The following ARL15 variants were observed in gnomAD, a reference collection of about 807,000 sequenced individuals.
The protein encoded by ARL15 is ARF like GTPase 15.
Under a neutral mutation model 25.2 loss-of-function variants are expected in ARL15, and 19 were observed. That is an observed-to-expected ratio of 0.75 (90% CI 0.53 to 1.10). The LOEUF (loss-of-function observed/expected upper bound fraction) is 1.10, where lower values mean the gene tolerates loss of function less well. Ranked by LOEUF, ARL15 falls within the 50% of genes least tolerant of loss-of-function variation. The pLI is 0.00. For missense variants in ARL15, 220 were observed against 246.0 expected, an observed-to-expected ratio of 0.89 and a Z score of 0.71; for synonymous variants, 94 against 86.8, an observed-to-expected ratio of 1.08 and a Z score of -0.46.
At chr5:53,979,611 T>C (rs28602514) in intron 4 of ARL15, among the ~76,000 whole-genome samples, 23,419 of 152,046 alleles carry the variant, frequency 0.15, 2,052 homozygotes, top group African/African-American at 0.22. Context: ...TTAATCCCTA[T>C]TTTTAGCAGA....
intron 1 of ARL15, among the ~76,000 whole-genome samples, chr5:54,186,991 C>G (rs1304697130): frequency 6.6e-6 from 1 of 151,174 alleles, no homozygotes; most frequent in Admixed American, 6.6e-5. Flanking sequence ...TCCTCATTTT[C>G]CTTTTGTACA....
chr5:53,925,378 G>A, intron 4 of ARL15, among the ~76,000 whole-genome samples: 1 of 151,944 alleles, frequency 6.6e-6, no homozygotes, highest in Non-Finnish European at 1.5e-5. Flanking sequence ...TTTACTATTT[G>A]TAGAGACAGG....
intron 1 of ARL15, among the ~76,000 whole-genome samples, chr5:54,182,098 T>G (rs1288465045): frequency 4.7e-5 from 3 of 63,764 alleles, no homozygotes; most frequent in African/African-American, 2.1e-4. Context: ...TGTTGTAGGT[T>G]GCCTGTTCAC....
At chr5:54,093,516 T>C (rs1752192716) in intron 4 of ARL15, among the ~76,000 whole-genome samples, 2 of 152,142 alleles carry the variant, frequency 1.3e-5, no homozygotes, top group Non-Finnish European at 2.9e-5. Flanking sequence ...GAGCTAGGCT[T>C]TTAGTGGATG....
intron 4 of ARL15, among the ~76,000 whole-genome samples, chr5:53,978,437 G>A (rs1223093426): frequency 6.6e-6 from 1 of 151,698 alleles, no homozygotes; most frequent in Non-Finnish European, 1.5e-5. Context: ...TAGCTTCCCC[G>A]AAACTTGTTT....
intron 4 of ARL15, among the ~76,000 whole-genome samples, chr5:54,090,879 G>C (rs187427082): frequency 1.3e-5 from 2 of 152,156 alleles, no homozygotes; most frequent in Non-Finnish European, 2.9e-5. Context: ...AAGACATCAC[G>C]CTTAGGGCTG....
At chr5:54,221,864 C>CA (rs1460481913) in intron 1 of ARL15, among the ~76,000 whole-genome samples, 6 of 143,346 alleles carry the variant, frequency 4.2e-5, no homozygotes, top group African/African-American at 1.7e-4. Flanking sequence ...CACACACACA[C>CA]ACACACAAAA....
At chr5:54,049,012 T>G (rs1384766946) in intron 4 of ARL15, among the ~76,000 whole-genome samples, 2 of 151,974 alleles carry the variant, frequency 1.3e-5, no homozygotes, top group Admixed American at 6.6e-5. Context: ...AATGTATAAT[T>G]GGAAAAAAAC....
chr5:54,218,428 T>C (rs987872282), intron 1 of ARL15, among the ~76,000 whole-genome samples: 2 of 152,182 alleles, frequency 1.3e-5, no homozygotes, highest in African/African-American at 2.4e-5. Flanking sequence ...GTATCCCCGA[T>C]GCAGAATTAG....
chr5:53,939,839 A>G (rs762039651), intron 4 of ARL15, among the ~76,000 whole-genome samples: 1 of 152,250 alleles, frequency 6.6e-6, no homozygotes, highest in Non-Finnish European at 1.5e-5. Context: ...ATTAATAATC[A>G]TAAAAGAATA....
chr5:53,975,208 G>A (rs1561172248), intron 4 of ARL15, among the ~76,000 whole-genome samples: 1 of 151,928 alleles, frequency 6.6e-6, no homozygotes, highest in South Asian at 2.1e-4. Flanking sequence ...ATATCAATTT[G>A]TAAGAGAAAA....
At chr5:53,990,836 T>G (rs1249186341) in intron 4 of ARL15, among the ~76,000 whole-genome samples, 1 of 152,188 alleles carries the variant, frequency 6.6e-6, no homozygotes, top group Non-Finnish European at 1.5e-5. Flanking sequence ...GCACCTCTAA[T>G]TTATTTGCTG....
chr5:54,232,114 C>T (rs1047690729), intron 1 of ARL15, among the ~76,000 whole-genome samples: 2 of 152,202 alleles, frequency 1.3e-5, no homozygotes, highest in Non-Finnish European at 2.9e-5. Flanking sequence ...TAACCCCTCA[C>T]TCTTTAAGTC....
intron 1 of ARL15, among the ~76,000 whole-genome samples, chr5:54,251,021 A>G (rs1019350967): frequency 6.6e-5 from 10 of 152,310 alleles, no homozygotes; most frequent in Middle Eastern, 6.8e-3. Context: ...ATCAGATGCT[A>G]TATTAAATTG....
chr5:54,015,388 C>T (rs574099770), intron 4 of ARL15, among the ~76,000 whole-genome samples: 2 of 152,162 alleles, frequency 1.3e-5, no homozygotes, highest in South Asian at 4.1e-4. Context: ...TGAAACACTG[C>T]TAGTCCCAAG....
At chr5:54,152,255 A>T (rs1754088579) in intron 3 of ARL15, among the ~76,000 whole-genome samples, 1 of 152,108 alleles carries the variant, frequency 6.6e-6, no homozygotes, top group Non-Finnish European at 1.5e-5. Flanking sequence ...AGCCAGTCAT[A>T]ATTCCCCCTA....
chr5:54,137,188 A>T (rs1753631146), intron 3 of ARL15, among the ~76,000 whole-genome samples: 1 of 152,060 alleles, frequency 6.6e-6, no homozygotes, highest in African/African-American at 2.4e-5. Context: ...TAGGTTAGCC[A>T]TGTCAGGCAT....
At chr5:53,982,058 G>C (rs1185330485) in intron 4 of ARL15, among the ~76,000 whole-genome samples, 1 of 152,072 alleles carries the variant, frequency 6.6e-6, no homozygotes, top group African/African-American at 2.4e-5. Flanking sequence ...CTAAGGAGGA[G>C]GTAAGGAGAA....
intron 1 of ARL15, among the ~76,000 whole-genome samples, chr5:54,290,704 A>T (rs1448110685): frequency 6.6e-6 from 1 of 152,196 alleles, no homozygotes; most frequent in African/African-American, 2.4e-5. Flanking sequence ...GGCACTTGGA[A>T]GCAAAATTAA....
Sources: gnomAD v4.1 joint callset for allele counts (sites outside exome capture counted in the v4.1 genomes callset) on GRCh38, gnomAD v4.1.1 for gene constraint, MANE v1.5 for transcripts, NCBI Gene and HGNC (gene_info 2026-07-23, HGNC 2026-07-21) for gene names.